The following FNBP1L variants were observed in gnomAD, a reference collection of about 807,000 sequenced individuals.
The protein encoded by FNBP1L is formin binding protein 1 like, also known as formin-binding protein 1-like.
In FNBP1L, 36 loss-of-function variants were observed where a neutral mutation model predicts 91.2. That is an observed-to-expected ratio of 0.39 (90% CI 0.30 to 0.52). The LOEUF (loss-of-function observed/expected upper bound fraction) is 0.52. Among genes scored for constraint, FNBP1L ranks in the 20% least tolerant of loss-of-function variants. The probability of loss-of-function intolerance (pLI) is 0.66; values close to 1 mark genes in which losing one functional copy is unlikely to be tolerated. For synonymous variants in FNBP1L, 242 were observed against 237.0 expected, an observed-to-expected ratio of 1.02 and a Z score of -0.19; for missense variants, 571 against 732.1, an observed-to-expected ratio of 0.78 and a Z score of 2.54.
chr1:93,487,864 T>C (rs189073994), intron 1 of FNBP1L, among the ~76,000 whole-genome samples: 1 of 152,324 alleles, frequency 6.6e-6, no homozygotes, highest in Admixed American at 6.5e-5. Context: ...AGGGTAATTT[T>C]TTTATCGTGT....
chr1:93,527,553 G>C (rs1190638647), intron 5 of FNBP1L, among the ~76,000 whole-genome samples: 1 of 152,150 alleles, frequency 6.6e-6, no homozygotes, highest in African/African-American at 2.4e-5. Context: ...TATTTTCCAG[G>C]CAAGAAATTG....
chr1:93,530,990 G>A lies in FNBP1L; in HGVS notation c.639+107G>A, dbSNP rs1025465443. ...TCTTTCTAGATTCACTAGACATCAG[G>A]GTTGGGGTGAGAGATTCCTTTATGA... On this transcript the variant is annotated intron_variant, in intron 7 of 16. Transcript: ENST00000271234. 50 of 896,408 alleles carry A rather than the reference G, an allele frequency of 5.6e-5. No individual in the cohort carries two copies. In the East Asian group the frequency reaches 1.5e-3, roughly 27 times the overall value. 55.5% of individuals were successfully genotyped at this position (896,408 alleles called of 1,614,324 possible). A position where few individuals can be genotyped will look rare whatever the true frequency, so the allele number is the denominator to read the frequency against.
chr1:93,462,860 A>C (rs1668920687), intron 1 of FNBP1L, among the ~76,000 whole-genome samples: 1 of 152,046 alleles, frequency 6.6e-6, no homozygotes, highest in Non-Finnish European at 1.5e-5. Context: ...GAAGGAAGTC[A>C]CTATGTATAG....
At chr1:93,487,744 A>G (rs11164939) in intron 1 of FNBP1L, among the ~76,000 whole-genome samples, 15,453 of 152,234 alleles carry the variant, frequency 0.1, 1,147 homozygotes, top group East Asian at 0.32. Context: ...ACACTTTTCT[A>G]GTTTTACTTG....
intron 10 of FNBP1L, 34 bp from the exon 11 acceptor site, chr1:93,541,008 A>G: frequency 6.5e-7 from 1 of 1,533,708 alleles, no homozygotes; most frequent in Non-Finnish European, 8.7e-7. Context: ...TGAATAATTT[A>G]CCATTTCTTT....
intron 2 of FNBP1L, among the ~76,000 whole-genome samples, chr1:93,521,776 T>C (rs991481387): frequency 3.3e-5 from 5 of 152,230 alleles, no homozygotes; most frequent in African/African-American, 1.2e-4. Flanking sequence ...GGGCCAATTG[T>C]ACTTTGTTTC....
At position 93,534,922 on chromosome 1, in the gene FNBP1L, A is replaced by C. The variant is rs780725529; in HGVS notation, c.990+14A>C. On this transcript the variant is annotated intron_variant, in intron 9 of 16. Coordinates refer to ENST00000271234, the MANE Select transcript of FNBP1L (RefSeq NM_001164473.3). ...AAGAAGCCAAAGGTAAAAGTCATAA[A>C]ATTCCTATATGCTAATCAGTTTAAG... The C allele has an allele frequency of 6.4e-7, 1 of 1,554,608 alleles. No individual in the cohort carries two copies.
At chr1:93,537,551 G>A (rs1413345579) in intron 10 of FNBP1L, among the ~76,000 whole-genome samples, 2 of 152,092 alleles carry the variant, frequency 1.3e-5, no homozygotes, top group Non-Finnish European at 2.9e-5. Flanking sequence ...TACTAATGCA[G>A]CAGAAATGTC....
intron 1 of FNBP1L, among the ~76,000 whole-genome samples, chr1:93,474,213 A>G (rs758828251): frequency 6.7e-4 from 102 of 152,340 alleles, no homozygotes; most frequent in Non-Finnish European, 9.6e-4. Flanking sequence ...ACTGCACTCC[A>G]GCCTGGGTGA....
At chr1:93,464,443 T>C (rs76290646) in intron 1 of FNBP1L, among the ~76,000 whole-genome samples, 3,498 of 152,304 alleles carry the variant, frequency 0.023, 149 homozygotes, top group African/African-American at 0.08. Context: ...GAATCCCAGT[T>C]ACATGTTTGT....
intron 2 of FNBP1L, among the ~76,000 whole-genome samples, chr1:93,506,800 G>A (rs939207391): frequency 1.3e-5 from 2 of 151,958 alleles, no homozygotes; most frequent in Non-Finnish European, 1.5e-5. Flanking sequence ...GGAATATTTT[G>A]TAATTTTTAC....
chr1:93,532,722 A>G (rs1230894386), intron 7 of FNBP1L, among the ~76,000 whole-genome samples, 200 bp from the exon 8 acceptor site: 2 of 151,808 alleles, frequency 1.3e-5, no homozygotes, highest in African/African-American at 4.8e-5. Context: ...GTGCCTTACT[A>G]TTTTTTTTCT....
chr1:93,497,182 T>C (rs1281217614), intron 1 of FNBP1L, among the ~76,000 whole-genome samples: 3 of 151,816 alleles, frequency 2.0e-5, no homozygotes, highest in Admixed American at 6.6e-5. Flanking sequence ...CAGGATGGTC[T>C]CGATCTCCTG....
chr1:93,448,409 T>G (rs1668343636), intron 1 of FNBP1L, 104 bp downstream of exon 1: 5 of 1,275,032 alleles, frequency 3.9e-6, no homozygotes, highest in Non-Finnish European at 5.2e-6. Flanking sequence ...TCCGCCGTCC[T>G]CGGTCCGGCG....
chr1:93,466,454 AG>A (rs1211847385), intron 1 of FNBP1L, among the ~76,000 whole-genome samples: 4 of 152,178 alleles, frequency 2.6e-5, no homozygotes, highest in African/African-American at 9.7e-5. Flanking sequence ...TTTATTGAAT[AG>A]GGAATCCTTT....
intron 2 of FNBP1L, among the ~76,000 whole-genome samples, chr1:93,515,562 A>C (rs1227238277): frequency 6.6e-6 from 1 of 152,090 alleles, no homozygotes; most frequent in African/African-American, 2.4e-5. Flanking sequence ...TGGCACATAT[A>C]CACCATGGAA....
intron 7 of FNBP1L, among the ~76,000 whole-genome samples, chr1:93,531,252 A>G (rs1671669037): frequency 6.6e-6 from 1 of 152,222 alleles, no homozygotes; most frequent in Non-Finnish European, 1.5e-5. Flanking sequence ...ATCAGTCCAG[A>G]TGGCAGAAAT....
intron 2 of FNBP1L, among the ~76,000 whole-genome samples, chr1:93,515,827 G>C (rs559782725): frequency 2.8e-4 from 43 of 152,152 alleles, no homozygotes; most frequent in African/African-American, 1.0e-3. Flanking sequence ...TGACGAGTTA[G>C]TGAGTGCAGC....
chr1:93,545,994 T>C (rs142700334), intron 12 of FNBP1L, among the ~76,000 whole-genome samples: 4 of 152,246 alleles, frequency 2.6e-5, no homozygotes, highest in Non-Finnish European at 4.4e-5. Context: ...TTTAAAGATA[T>C]GAATCTAGAA....
Sources: gnomAD v4.1 joint callset for allele counts (sites outside exome capture counted in the v4.1 genomes callset) on GRCh38, gnomAD v4.1.1 for gene constraint, MANE v1.5 for transcripts, NCBI Gene and HGNC (gene_info 2026-07-23, HGNC 2026-07-21) for gene names.